The following RNFT2 variants were observed in gnomAD, a reference collection of about 807,000 sequenced individuals.
RNFT2 encodes the protein E3 ubiquitin-protein ligase RNFT2.
A neutral mutation model predicts 53.0 loss-of-function variants in RNFT2; 36 were observed. The observed-to-expected ratio is 0.68, with a 90% CI of 0.52 to 0.90. The LOEUF (loss-of-function observed/expected upper bound fraction) is 0.90. Among genes scored for constraint, RNFT2 ranks in the 40% least tolerant of loss-of-function variants. The pLI, the probability that RNFT2 is intolerant of heterozygous loss-of-function variation, is 0.00. For synonymous variants in RNFT2, 260 were observed against 253.2 expected, an observed-to-expected ratio of 1.03 and a Z score of -0.26; for missense variants, 514 against 585.6, an observed-to-expected ratio of 0.88 and a Z score of 1.26.
chr12:116,789,117 AGTGGATGG>A (rs1301664843), intron 7 of RNFT2, among the ~76,000 whole-genome samples: 1 of 136,536 alleles, frequency 7.3e-6, no homozygotes, highest in Non-Finnish European at 1.6e-5. Context: ...ATGGAAGGAG[AGTGGATGG>A]GTGGATGGGT....
chr12:116,774,609 C>T (rs1199731005), intron 6 of RNFT2, among the ~76,000 whole-genome samples: 2 of 152,130 alleles, frequency 1.3e-5, no homozygotes, highest in Admixed American at 6.5e-5. Flanking sequence ...TCAAGTCAGC[C>T]TTTCAGATCA....
intron 5 of RNFT2, among the ~76,000 whole-genome samples, chr12:116,758,059 CT>C (rs1199462604): frequency 1.3e-5 from 2 of 152,152 alleles, no homozygotes; most frequent in African/African-American, 4.8e-5. Context: ...TGGACAAGGC[CT>C]TTTACCATTA....
intron 10 of RNFT2, among the ~76,000 whole-genome samples, chr12:116,846,539 C>T (rs1877625162): frequency 6.6e-6 from 1 of 151,494 alleles, no homozygotes; most frequent in African/African-American, 2.4e-5. Flanking sequence ...ATCCTCCTGC[C>T]TTCGCCTCCC....
chr12:116,758,813 T>C (rs908135804), intron 5 of RNFT2, among the ~76,000 whole-genome samples: 3 of 152,250 alleles, frequency 2.0e-5, no homozygotes, highest in Admixed American at 1.3e-4. Flanking sequence ...GTTTTAACTT[T>C]GGATAACCTG....
rs756282127 is a variant in RNFT2, at chr12:116,829,542, A to G, written c.883-4250A>G. ...TGGATGCCCTTTCTTGGTCCTTGGT[A>G]GATGTGGGTGTACGTGCTCCAAGGA... On this transcript the variant is annotated intron_variant, in intron 7 of 10. Transcript: ENST00000257575. Among the ~76,000 whole-genome samples, 32 of 152,250 alleles carry G rather than the reference A, an allele frequency of 2.1e-4. No individual in the cohort carries two copies. The Middle Eastern group carries it at 0.01, about 49-fold the overall frequency.
intron 10 of RNFT2, among the ~76,000 whole-genome samples, chr12:116,843,009 T>C (rs1004947475): frequency 3.3e-5 from 5 of 152,148 alleles, no homozygotes; most frequent in African/African-American, 9.7e-5. Flanking sequence ...GGTCCAGAAA[T>C]GCCCCTCTCC....
intron 7 of RNFT2, 67 bp from the exon 8 acceptor site, chr12:116,833,725 G>C: frequency 6.3e-7 from 1 of 1,575,426 alleles, no homozygotes; most frequent in South Asian, 1.1e-5. Flanking sequence ...CGGGGCGGGG[G>C]GCCCCCCAGC....
intron 10 of RNFT2, among the ~76,000 whole-genome samples, chr12:116,837,987 G>T (rs574564385): frequency 7.7e-4 from 117 of 151,744 alleles, no homozygotes; most frequent in African/African-American, 2.7e-3. Context: ...ATGTATATGT[G>T]TGTATATATT....
chr12:116,740,050 A>G (rs538060398), intron 1 of RNFT2, among the ~76,000 whole-genome samples: 3 of 152,222 alleles, frequency 2.0e-5, no homozygotes, highest in South Asian at 4.2e-4. Flanking sequence ...TACTAAAAAT[A>G]CAAAAATTGG....
intron 7 of RNFT2, among the ~76,000 whole-genome samples, chr12:116,780,482 G>A (rs576479474): frequency 2.0e-5 from 3 of 152,182 alleles, no homozygotes; most frequent in South Asian, 2.1e-4. Flanking sequence ...GGTAATGCTT[G>A]CTCACCCACT....
intron 10 of RNFT2, among the ~76,000 whole-genome samples, chr12:116,846,613 A>T (rs1877629754): frequency 6.6e-6 from 1 of 151,946 alleles, no homozygotes; most frequent in Non-Finnish European, 1.5e-5. Flanking sequence ...TTTGCTTTTA[A>T]AAAAACATTT....
At chr12:116,747,668 T>G (rs1239129716) in intron 3 of RNFT2, among the ~76,000 whole-genome samples, 1 of 152,166 alleles carries the variant, frequency 6.6e-6, no homozygotes, top group Non-Finnish European at 1.5e-5. Flanking sequence ...ACCTACTGTG[T>G]GCCCTGGGTT....
At chr12:116,773,966 T>C (rs1873311237) in intron 6 of RNFT2, among the ~76,000 whole-genome samples, 1 of 152,172 alleles carries the variant, frequency 6.6e-6, no homozygotes, top group Non-Finnish European at 1.5e-5. Flanking sequence ...TATTCAGCCT[T>C]AAATAGAAAG....
chr12:116,780,496 C>A (rs981070703), intron 7 of RNFT2, among the ~76,000 whole-genome samples: 10 of 152,110 alleles, frequency 6.6e-5, no homozygotes, highest in African/African-American at 2.4e-4. Flanking sequence ...ACCCACTGCT[C>A]ACCTCCTGCT....
rs1378781702 is a variant in RNFT2 at position 116,841,918 on chromosome 12, TAAAA to T, written c.1200+5638_1200+5641del. 2.4e-4 allele frequency among the ~76,000 whole-genome samples: 9 copies of T among 38,080 alleles called. 1 individual carries two copies. Among genetic ancestry groups the T allele is most frequent in the South Asian group, 8.5e-4 (1 of 1,182 alleles). The allele number at this position is 38,080 out of a possible 152,430, so 25.0% of individuals were successfully genotyped here. On this transcript the variant is annotated intron_variant, in intron 10 of 10. Coordinates refer to ENST00000257575, the MANE Select transcript of RNFT2 (RefSeq NM_001382266.1). ...AAATATATATATATAAATATATATA[TAAAA>T]ATATATATATATAAATATATATATA...
intron 10 of RNFT2, among the ~76,000 whole-genome samples, chr12:116,845,274 T>TAGAGAG (rs3069215): frequency 8.8e-5 from 11 of 125,428 alleles, no homozygotes; most frequent in African/African-American, 3.4e-4. Context: ...TATATATATA[T>TAGAGAG]AGAGAGAGAG....
intron 7 of RNFT2, among the ~76,000 whole-genome samples, chr12:116,794,178 T>C (rs575393836): frequency 1.9e-3 from 292 of 152,224 alleles, no homozygotes; most frequent in African/African-American, 6.3e-3. Flanking sequence ...GGTGGGAAGA[T>C]TGCTTGAGCC....
intron 6 of RNFT2, among the ~76,000 whole-genome samples, chr12:116,767,329 C>G (rs1418015849): frequency 1.3e-5 from 2 of 151,854 alleles, no homozygotes; most frequent in Non-Finnish European, 2.9e-5. Context: ...GGTGATCCTC[C>G]CACCTCAGCT....
rs143299865 is a variant in RNFT2 at position 116,819,160 on chromosome 12, G to T, written c.883-14632G>T. 4.1e-3 allele frequency among the ~76,000 whole-genome samples: 631 copies of T among 152,358 alleles called. 8 individuals carry two copies. The highest frequency in any genetic ancestry group is 0.015 in the African/African-American group (605 of 41,594). On this transcript the variant is annotated intron_variant, in intron 7 of 10. Coordinates refer to ENST00000257575, the MANE Select transcript of RNFT2 (RefSeq NM_001382266.1). ...CGCATGGCCCCTGACTTCAAGTTTA[G>T]GGGAGCTGATGAGGTCACTCCCTGC...
Sources: allele counts gnomAD v4.1 joint callset (sites outside exome capture counted in the v4.1 genomes callset), GRCh38; gene constraint gnomAD v4.1.1; transcripts MANE v1.5; gene names NCBI Gene and HGNC (gene_info 2026-07-23, HGNC 2026-07-21).